The following GPR158 variants were observed in gnomAD, a reference collection of about 807,000 sequenced individuals.
GPR158 encodes metabotropic glycine receptor.
A neutral mutation model predicts 78.2 loss-of-function variants in GPR158; 30 were observed. The observed-to-expected ratio is 0.38, with a 90% CI of 0.29 to 0.52. GPR158 has a LOEUF of 0.52. GPR158 is among the 20% of genes least tolerant of loss of function. The pLI is 0.83. For synonymous variants in GPR158, 581 were observed against 591.1 expected (o/e 0.98, Z 0.25); for missense variants, 1,463 against 1,523.5 (o/e 0.96, Z 0.66).
At chr10:25,227,274 C>A (rs116504749) in intron 2 of GPR158, among the ~76,000 whole-genome samples, 1 of 152,136 alleles carries the variant, frequency 6.6e-6, no homozygotes, top group Non-Finnish European at 1.5e-5. Context: ...CAGTGGCTAT[C>A]GCCATCTTGT....
intron 5 of GPR158, among the ~76,000 whole-genome samples, chr10:25,520,707 C>A (rs557689423): frequency 6.6e-6 from 1 of 152,034 alleles, no homozygotes; most frequent in African/African-American, 2.4e-5. Flanking sequence ...GTCAGGGACC[C>A]GCTTGAGGAG....
chr10:25,320,722 TG>T (rs1355838556), intron 2 of GPR158, among the ~76,000 whole-genome samples: 1 of 152,252 alleles, frequency 6.6e-6, no homozygotes, highest in Admixed American at 6.5e-5. Context: ...CTGTCATTTT[TG>T]TATTATTCCT....
At chr10:25,203,633 A>T (rs184160098) in intron 1 of GPR158, among the ~76,000 whole-genome samples, 1 of 145,114 alleles carries the variant, frequency 6.9e-6, no homozygotes, top group Non-Finnish European at 1.5e-5. Context: ...TGGTACCAGT[A>T]CCATGCTGTT....
chr10:25,489,455 A>T (rs1835775750), intron 5 of GPR158, among the ~76,000 whole-genome samples: 1 of 152,180 alleles, frequency 6.6e-6, no homozygotes, highest in Non-Finnish European at 1.5e-5. Flanking sequence ...TTAAGAAAAC[A>T]TGTATTCTGA....
At chr10:25,466,448 A>G (rs1835425480) in intron 4 of GPR158, 1 of 453,390 alleles carries the variant, frequency 2.2e-6, no homozygotes, top group Non-Finnish European at 3.9e-6. Context: ...TGGCGATATT[A>G]TTAAGCCTAT....
At chr10:25,323,493 T>C (rs1854985511) in intron 2 of GPR158, among the ~76,000 whole-genome samples, 1 of 152,086 alleles carries the variant, frequency 6.6e-6, no homozygotes, top group South Asian at 2.1e-4. Context: ...GATCTGTTCT[T>C]TAGTGTAGCT....
At chr10:25,304,306 G>T (rs1444895709) in intron 2 of GPR158, among the ~76,000 whole-genome samples, 1 of 152,088 alleles carries the variant, frequency 6.6e-6, no homozygotes, top group Non-Finnish European at 1.5e-5. Flanking sequence ...ATTGCTGACA[G>T]GGTTTTGTGA....
At chr10:25,427,521 T>C (rs1834841128) in intron 4 of GPR158, among the ~76,000 whole-genome samples, 1 of 152,100 alleles carries the variant, frequency 6.6e-6, no homozygotes, top group Non-Finnish European at 1.5e-5. Flanking sequence ...AAATTTCCCA[T>C]TTACTGATAT....
In GPR158 at chr10:25,467,159, A is replaced by G. The variant is rs373962907; in HGVS notation, c.1404+440A>G. ...AATTTGAAGTGTGGGGGACTTCCAG[A>G]CTATAGGTAAATTTAAACATTTTCT... On this transcript the variant is annotated intron_variant, in intron 5 of 10. Transcript: ENST00000376351. Among the ~76,000 whole-genome samples the G allele has an allele frequency of 1.1e-4, 16 of 152,278 alleles. No homozygotes were observed. In the East Asian group the frequency reaches 2.7e-3, roughly 26 times the overall value.
rs1439712568 is a variant in GPR158, at chr10:25,600,442, A to G, written c.*1168A>G. 2.0e-5 allele frequency: 3 copies of G among 152,342 alleles called. No individual in the cohort carries two copies. The East Asian group carries it at 5.8e-4, about 29-fold the overall frequency. 9.4% of individuals were successfully genotyped at this position (152,342 alleles called of 1,614,324 possible). A position where few individuals can be genotyped will look rare whatever the true frequency, so the allele number is the denominator to read the frequency against. On this transcript the variant is annotated 3_prime_UTR_variant, in exon 11 of 11. Coordinates refer to ENST00000376351, the MANE Select transcript of GPR158 (RefSeq NM_020752.3). Reference sequence around the variant, plus strand: ...CAGGAAGTTTGCCTTTCAAAAAAAAACACAGGTAGCTCCTGATAGCACTTT... The same window carrying G: ...CAGGAAGTTTGCCTTTCAAAAAAAAGCACAGGTAGCTCCTGATAGCACTTT...
chr10:25,255,282 G>A (rs1306900466), intron 2 of GPR158, among the ~76,000 whole-genome samples: 1 of 152,188 alleles, frequency 6.6e-6, no homozygotes, highest in Non-Finnish European at 1.5e-5. Context: ...AAATCACTAA[G>A]TATTTTGGTG....
At chr10:25,507,647 T>C (rs1836030853) in intron 5 of GPR158, among the ~76,000 whole-genome samples, 1 of 152,168 alleles carries the variant, frequency 6.6e-6, no homozygotes, top group Admixed American at 6.5e-5. Context: ...TCAGGGAAAA[T>C]CTTTTAAAAA....
At chr10:25,448,026 C>T (rs1289525841) in intron 4 of GPR158, among the ~76,000 whole-genome samples, 1 of 151,998 alleles carries the variant, frequency 6.6e-6, no homozygotes, top group Admixed American at 6.6e-5. Context: ...CTCTGCTTGT[C>T]CTAGAACTTC....
intron 7 of GPR158, among the ~76,000 whole-genome samples, chr10:25,585,471 T>C (rs1021149552): frequency 6.6e-6 from 1 of 152,194 alleles, no homozygotes; most frequent in Non-Finnish European, 1.5e-5. Context: ...TGGGTGGTAT[T>C]CTCTGCATTG....
At chr10:25,515,002 T>C (rs1185061218) in intron 5 of GPR158, among the ~76,000 whole-genome samples, 4 of 152,144 alleles carry the variant, frequency 2.6e-5, no homozygotes, top group Non-Finnish European at 5.9e-5. Context: ...TAGGTGATGA[T>C]CTTTTTGTGA....
At chr10:25,447,382 T>C (rs1036779305) in intron 4 of GPR158, among the ~76,000 whole-genome samples, 10 of 152,210 alleles carry the variant, frequency 6.6e-5, no homozygotes, top group African/African-American at 2.2e-4. Flanking sequence ...ATATGGAAAC[T>C]CAGGTCATAA....
chr10:25,467,534 G>A (rs1835441456), intron 5 of GPR158, among the ~76,000 whole-genome samples: 1 of 152,144 alleles, frequency 6.6e-6, no homozygotes, highest in Admixed American at 6.5e-5. Context: ...GTCACATACT[G>A]TTACGCCAGA....
At chr10:25,266,268 ATTGT>A (rs1360110834) in intron 2 of GPR158, among the ~76,000 whole-genome samples, 3 of 151,986 alleles carry the variant, frequency 2.0e-5, no homozygotes, top group Admixed American at 6.6e-5. Context: ...CAATTGTTTG[ATTGT>A]TTGTCATTCA....
intron 1 of GPR158, among the ~76,000 whole-genome samples, chr10:25,210,910 G>A (rs958979823): frequency 1.3e-5 from 2 of 152,112 alleles, no homozygotes; most frequent in Non-Finnish European, 2.9e-5. Flanking sequence ...GAGGTGGGTG[G>A]ATCACGAGGT....
Sources: allele counts gnomAD v4.1 joint callset (sites outside exome capture counted in the v4.1 genomes callset), GRCh38; gene constraint gnomAD v4.1.1; transcripts MANE v1.5; gene names NCBI Gene and HGNC (gene_info 2026-07-23, HGNC 2026-07-21).